The following DNAH7 variants were observed in gnomAD, a reference collection of about 807,000 sequenced individuals.
DNAH7 encodes the protein axonemal beta dynein heavy chain 7.
DNAH7 carries 397 observed loss-of-function variants against 444.6 expected under a neutral mutation model. The observed-to-expected ratio is 0.89, with a 90% CI of 0.82 to 0.97. The LOEUF is 0.97. DNAH7 is among the 50% of genes least tolerant of loss of function. The pLI is 0.00. For synonymous variants in DNAH7, 1,636 were observed against 1,624.4 expected (o/e 1.01, Z -0.17); for missense variants, 4,902 against 4,800.8 (o/e 1.02, Z -0.62).
chr2:195,939,708 C>A (rs1574830942), intron 19 of DNAH7, among the ~76,000 whole-genome samples: 1 of 152,104 alleles, frequency 6.6e-6, no homozygotes, highest in Non-Finnish European at 1.5e-5. Context: ...AACCACCCAC[C>A]AATCTCATCA....
At chr2:196,018,670 T>C (rs1444416085) in intron 9 of DNAH7, among the ~76,000 whole-genome samples, 1 of 152,118 alleles carries the variant, frequency 6.6e-6, no homozygotes, top group Non-Finnish European at 1.5e-5. Context: ...GAAGAATGCA[T>C]CAGAGTCCAT....
chr2:195,931,159 C>G (rs1688666465), intron 21 of DNAH7, among the ~76,000 whole-genome samples: 1 of 152,144 alleles, frequency 6.6e-6, no homozygotes, highest in African/African-American at 2.4e-5. Context: ...AACAAACCTG[C>G]ACATGTACCC....
intron 1 of DNAH7, among the ~76,000 whole-genome samples, chr2:196,060,234 A>G (rs898067605): frequency 6.6e-6 from 1 of 152,184 alleles, no homozygotes; most frequent in African/African-American, 2.4e-5. Flanking sequence ...AAGAAAAACA[A>G]AAACAAACAA....
chr2:195,824,775 G>C (rs1375384465), intron 48 of DNAH7, among the ~76,000 whole-genome samples: 1 of 152,074 alleles, frequency 6.6e-6, no homozygotes, highest in Non-Finnish European at 1.5e-5. Context: ...TGAGACACCA[G>C]AGAAAAGGCA....
At chr2:195,995,469 C>T in intron 12 of DNAH7, 1 of 357,144 alleles carries the variant, frequency 2.8e-6, no homozygotes, top group South Asian at 2.4e-5. Context: ...TCTTCTTTTG[C>T]CCTCAGGGGT....
intron 10 of DNAH7, among the ~76,000 whole-genome samples, chr2:196,005,096 C>T (rs767540344): frequency 6.6e-6 from 1 of 151,846 alleles, no homozygotes; most frequent in Non-Finnish European, 1.5e-5. Flanking sequence ...CCGTGAAACC[C>T]CGTTTCTACT....
At chr2:195,779,600 T>C (rs1288836550) in intron 58 of DNAH7, among the ~76,000 whole-genome samples, 2 of 152,008 alleles carry the variant, frequency 1.3e-5, no homozygotes, top group Non-Finnish European at 2.9e-5. Context: ...TATTAAAGTA[T>C]TGTAGGGTTT....
At chr2:195,982,854 G>A (rs1040903761) in intron 15 of DNAH7, among the ~76,000 whole-genome samples, 5 of 152,132 alleles carry the variant, frequency 3.3e-5, no homozygotes, top group African/African-American at 1.2e-4. Flanking sequence ...GGGATGTGGT[G>A]ATGGTTAGTG....
In DNAH7 at chr2:195,934,742, T is replaced by G. The variant is rs1468721907; in HGVS notation, c.3320A>C (p.Glu1107Ala). 2 of 1,614,104 alleles carry G rather than the reference T, an allele frequency of 1.2e-6. No homozygotes were observed. The highest frequency in any genetic ancestry group is 2.2e-5 in the South Asian group (2 of 91,074). Residue 1107 changes from glutamate to alanine, a missense_variant, in exon 21 of 65, where the codon GAA (glutamate) becomes GCA (alanine). Coordinates refer to ENST00000312428, the MANE Select transcript of DNAH7 (RefSeq NM_018897.3). ...AGTAATGTCTAAAGTTTCCGTAAAT[T>G]CTACCTTTGCGATTCCTTCAAAACA... Reference protein sequence around the residue: ...KKCFEGIAKVEFTETLDITHM... With the variant: ...KKCFEGIAKVAFTETLDITHM...
rs1688172096 is a variant in DNAH7 at position 195,923,824 on chromosome 2, TAA to T, written c.3613-19_3613-18del. ...CTCAAGAGCCTGAAAGAAAAGAAAA[TAA>T]GATATGATTTCCCAATGTGATCAAA... On this transcript the variant is annotated intron_variant, in intron 22 of 64. Transcript: ENST00000312428. The T allele has an allele frequency of 1.2e-6, 2 of 1,606,942 alleles. No individual in the cohort carries two copies. The highest frequency in any genetic ancestry group is 8.5e-7 in the Non-Finnish European group (1 of 1,174,096).
chr2:195,915,055 T>G (rs1223885156), intron 24 of DNAH7, among the ~76,000 whole-genome samples: 2 of 152,216 alleles, frequency 1.3e-5, no homozygotes, highest in African/African-American at 4.8e-5. Context: ...ATTAAATGCC[T>G]GCGTTATGCC....
intron 36 of DNAH7, among the ~76,000 whole-genome samples, chr2:195,877,816 A>G (rs1301398862): frequency 6.6e-6 from 1 of 152,144 alleles, no homozygotes; most frequent in Non-Finnish European, 1.5e-5. Flanking sequence ...ATTTAAAATT[A>G]TTTTCCTTTC....
intron 10 of DNAH7, among the ~76,000 whole-genome samples, chr2:196,009,293 GTATATTATCAAC>G (rs1694580516): frequency 6.6e-6 from 1 of 152,068 alleles, no homozygotes; most frequent in Non-Finnish European, 1.5e-5. Context: ...AACCTTGCGA[GTATATTATCAAC>G]TACTGAATTG....
chr2:195,959,082 AATTT>A (rs1465121407), intron 18 of DNAH7, among the ~76,000 whole-genome samples: 5 of 151,950 alleles, frequency 3.3e-5, no homozygotes, highest in African/African-American at 4.9e-5. Flanking sequence ...TTAATTAATT[AATTT>A]AATTAAATAG....
At chr2:195,972,890 A>G (rs1314404887) in intron 15 of DNAH7, among the ~76,000 whole-genome samples, 2 of 152,162 alleles carry the variant, frequency 1.3e-5, no homozygotes, top group East Asian at 3.9e-4. Context: ...CCAGTTGGGG[A>G]GTCTCTTTTA....
intron 8 of DNAH7, among the ~76,000 whole-genome samples, chr2:196,020,760 G>A (rs1437452554): frequency 2.6e-5 from 4 of 151,944 alleles, no homozygotes; most frequent in East Asian, 1.9e-4. Context: ...ACAAGTGCAC[G>A]CCACCATGCC....
chr2:195,935,794 C>T (rs763218540), intron 20 of DNAH7, among the ~76,000 whole-genome samples: 2 of 152,008 alleles, frequency 1.3e-5, no homozygotes, highest in Non-Finnish European at 2.9e-5. Flanking sequence ...TCCACTAAGA[C>T]TTATAGGAGG....
chr2:195,944,074 C>A (rs974831761), intron 19 of DNAH7, among the ~76,000 whole-genome samples: 9 of 152,102 alleles, frequency 5.9e-5, no homozygotes, highest in African/African-American at 2.2e-4. Context: ...TACTGACCAT[C>A]ATCAACATAA....
chr2:195,862,825 C>A (rs974772174), intron 41 of DNAH7, among the ~76,000 whole-genome samples: 1 of 152,192 alleles, frequency 6.6e-6, no homozygotes, highest in African/African-American at 2.4e-5. Flanking sequence ...CACCTGAGGT[C>A]AGGAGTTCAA....
Sources: allele counts gnomAD v4.1 joint callset (sites outside exome capture counted in the v4.1 genomes callset), GRCh38; gene constraint gnomAD v4.1.1; transcripts MANE v1.5; gene names NCBI Gene and HGNC (gene_info 2026-07-23, HGNC 2026-07-21).